CTIF: variants seen among roughly 807,000 people sequenced by gnomAD.
CTIF encodes the protein CBP80/20-dependent translation initiation factor.
In CTIF, 21 loss-of-function variants were observed where a neutral mutation model predicts 66.0. The ratio of observed to expected loss-of-function variants is 0.32; its 90% CI spans 0.23 to 0.46. The LOEUF (loss-of-function observed/expected upper bound fraction) is 0.46, where lower values mean the gene tolerates loss of function less well. CTIF is among the 20% of genes least tolerant of loss of function. The pLI is 1.00. For synonymous variants in CTIF, 345 were observed against 326.4 expected, an observed-to-expected ratio of 1.06 and a Z score of -0.62; for missense variants, 739 against 812.7, an observed-to-expected ratio of 0.91 and a Z score of 1.10.
intron 3 of CTIF, among the ~76,000 whole-genome samples, chr18:48,645,455 C>T (rs1180050394): frequency 6.6e-6 from 1 of 152,174 alleles, no homozygotes; most frequent in South Asian, 2.1e-4. Flanking sequence ...TCCCCACCCC[C>T]ATCCATCCCA....
chr18:48,710,265 G>A (rs2092209510), intron 6 of CTIF, among the ~76,000 whole-genome samples: 1 of 152,244 alleles, frequency 6.6e-6, no homozygotes, highest in African/African-American at 2.4e-5. Flanking sequence ...AAGGTGGGGA[G>A]TGGGCCAGAA....
Position 48,862,070 on chromosome 18 carries a change from C to CAACA in CTIF, c.*2512_*2515dup, listed in dbSNP as rs1256716968. The CAACA allele has an allele frequency of 2.0e-5, 3 of 151,412 alleles. No homozygotes were observed. Among genetic ancestry groups the CAACA allele is most frequent in the Admixed American group, 6.6e-5 (1 of 15,204 alleles). The allele number at this position is 151,412 out of a possible 1,614,324, so 9.4% of individuals were successfully genotyped here. A position where few individuals can be genotyped will look rare whatever the true frequency, so the allele number is the denominator to read the frequency against. ...TAAGACTATTTTTTTTTTAAAGAAA[C>CAACA]AACAGTCAAGCCTAAAATTTGAGAC... On this transcript the variant is annotated 3_prime_UTR_variant, in exon 12 of 12. Transcript: ENST00000256413.
At chr18:48,830,742 G>A (rs1196986285) in intron 10 of CTIF, among the ~76,000 whole-genome samples, 63 of 48,080 alleles carry the variant, frequency 1.3e-3, no homozygotes, top group African/African-American at 4.6e-3. Context: ...ACCCCCCCCC[G>A]ACCACGCCCC....
intron 1 of CTIF, among the ~76,000 whole-genome samples, chr18:48,585,078 G>A (rs892660994): frequency 1.3e-5 from 2 of 152,342 alleles, no homozygotes; most frequent in African/African-American, 4.8e-5. Context: ...AATCTTCCTT[G>A]GAAGGGTGAG....
intron 9 of CTIF, among the ~76,000 whole-genome samples, chr18:48,772,450 A>G (rs982633596): frequency 5.3e-5 from 7 of 131,076 alleles, no homozygotes; most frequent in African/African-American, 2.1e-4. Flanking sequence ...CATCACCCCA[A>G]ACAAAAGCCA....
intron 2 of CTIF, among the ~76,000 whole-genome samples, chr18:48,624,431 G>A (rs955368115): frequency 6.6e-6 from 1 of 152,166 alleles, no homozygotes; most frequent in African/African-American, 2.4e-5. Context: ...GTGTTGGGTG[G>A]TTAATATAGA....
chr18:48,740,636 G>T (rs767166704), intron 7 of CTIF, among the ~76,000 whole-genome samples: 16 of 152,148 alleles, frequency 1.1e-4, no homozygotes, highest in Non-Finnish European at 1.6e-4. Flanking sequence ...CATCACTCAG[G>T]ATGTCCTGGG....
chr18:48,664,587 G>T (rs376364588), intron 5 of CTIF, 36 bp downstream of exon 5: 3 of 1,584,224 alleles, frequency 1.9e-6, no homozygotes, highest in Non-Finnish European at 2.6e-6. Flanking sequence ...AGGGTGGGGT[G>T]GGGCAGGGGA....
chr18:48,791,954 C>G (rs760780431), intron 9 of CTIF, among the ~76,000 whole-genome samples: 1 of 152,110 alleles, frequency 6.6e-6, no homozygotes, highest in East Asian at 1.9e-4. Flanking sequence ...AGGCCTACCA[C>G]GTGCCAGGCC....
chr18:48,777,618 G>A lies in CTIF; in HGVS notation c.1371+15929G>A, dbSNP rs78618006. ...ATGGGTCCTGGATTCCCTGGGAACA[G>A]TGCCTGCCCAGAGACCCAGCTGCCC... On this transcript the variant is annotated intron_variant, in intron 9 of 11. Coordinates refer to ENST00000256413, the MANE Select transcript of CTIF (RefSeq NM_014772.3). 1.3e-3 allele frequency among the ~76,000 whole-genome samples: 198 copies of A among 152,360 alleles called. 1 individual carries two copies. The highest frequency in any genetic ancestry group is 4.6e-3 in the African/African-American group (191 of 41,584).
At chr18:48,653,575 C>T (rs2091195447) in intron 3 of CTIF, among the ~76,000 whole-genome samples, 1 of 152,142 alleles carries the variant, frequency 6.6e-6, no homozygotes, top group Admixed American at 6.5e-5. Context: ...GATTCAATGC[C>T]ATCCCCATCA....
At chr18:48,651,825 C>A (rs1027341699) in intron 3 of CTIF, among the ~76,000 whole-genome samples, 1 of 152,214 alleles carries the variant, frequency 6.6e-6, no homozygotes, top group Non-Finnish European at 1.5e-5. Context: ...CTCAAAACCA[C>A]ACAACTACAC....
intron 1 of CTIF, among the ~76,000 whole-genome samples, chr18:48,606,580 T>C (rs772769166): frequency 6.6e-6 from 1 of 152,186 alleles, no homozygotes; most frequent in Admixed American, 6.5e-5. Flanking sequence ...GTACATAACT[T>C]CTGGCACCCT....
intron 10 of CTIF, among the ~76,000 whole-genome samples, chr18:48,846,498 G>C (rs1460613869): frequency 3.4e-5 from 2 of 58,610 alleles, no homozygotes; most frequent in Non-Finnish European, 7.1e-5. Context: ...TGAAAGGATA[G>C]ATGGATGGAT....
intron 9 of CTIF, among the ~76,000 whole-genome samples, chr18:48,792,930 C>G (rs1378969157): frequency 2.6e-5 from 4 of 152,146 alleles, no homozygotes; most frequent in Admixed American, 1.3e-4. Context: ...CCTCAGGGAG[C>G]TAATTTCTAT....
chr18:48,772,772 T>C (rs778015459), intron 9 of CTIF, among the ~76,000 whole-genome samples: 4 of 152,262 alleles, frequency 2.6e-5, no homozygotes, highest in Non-Finnish European at 5.9e-5. Flanking sequence ...TTTTGACTAT[T>C]GTGATTCATG....
intron 7 of CTIF, among the ~76,000 whole-genome samples, chr18:48,721,923 T>C (rs1047693296): frequency 1.1e-4 from 16 of 152,254 alleles, no homozygotes; most frequent in African/African-American, 3.9e-4. Flanking sequence ...AGCTCTACAA[T>C]GTATTAGAGA....
intron 8 of CTIF, among the ~76,000 whole-genome samples, chr18:48,759,442 C>T (rs556047643): frequency 2.6e-5 from 4 of 152,302 alleles, no homozygotes; most frequent in African/African-American, 9.6e-5. Context: ...TTCTTGGATC[C>T]ACTCTTGAAG....
At chr18:48,835,983 T>C (rs2068800327) in intron 10 of CTIF, among the ~76,000 whole-genome samples, 1 of 152,176 alleles carries the variant, frequency 6.6e-6, no homozygotes, top group African/African-American at 2.4e-5. Context: ...CCCCCCACTG[T>C]AGGTGGCCTG....
Sources: allele counts gnomAD v4.1 joint callset (sites outside exome capture counted in the v4.1 genomes callset), GRCh38; gene constraint gnomAD v4.1.1; transcripts MANE v1.5; gene names NCBI Gene and HGNC (gene_info 2026-07-23, HGNC 2026-07-21).